The following DHX30 variants were observed in gnomAD, a reference collection of about 807,000 sequenced individuals.
DHX30 encodes the protein ATP-dependent RNA helicase DHX30.
Under a neutral mutation model 116.9 loss-of-function variants are expected in DHX30, and 4 were observed. The ratio of observed to expected loss-of-function variants is 0.03; its 90% CI spans 0.02 to 0.08. The LOEUF (loss-of-function observed/expected upper bound fraction) is 0.08, where lower values mean the gene tolerates loss of function less well. DHX30 is among the 10% of genes least tolerant of loss of function. DHX30 has a pLI of 1.00. For synonymous variants in DHX30, 697 were observed against 651.7 expected (o/e 1.07, Z -1.06); for missense variants, 871 against 1,595.1 (o/e 0.55, Z 7.73).
chr3:47,845,988 T>A (rs1442154672), intron 10 of DHX30, 136 bp downstream of exon 10: 3 of 1,432,406 alleles, frequency 2.1e-6, no homozygotes, highest in Non-Finnish European at 2.8e-6. Context: ...GGGATCCCCC[T>A]GGCCTGAACA....
chr3:47,807,067 G>A (rs1229193701), intron 2 of DHX30, among the ~76,000 whole-genome samples: 1 of 151,984 alleles, frequency 6.6e-6, no homozygotes, highest in African/African-American at 2.4e-5. Context: ...TTAGCCAGGC[G>A]TGGTGGCGGG....
intron 3 of DHX30, among the ~76,000 whole-genome samples, chr3:47,810,916 G>A (rs2035759039): frequency 6.6e-6 from 1 of 151,874 alleles, no homozygotes; most frequent in South Asian, 2.1e-4. Context: ...CTTCCTCCCA[G>A]TGCCCCCTTC....
rs765159677 is a variant in DHX30 at position 47,841,031 on chromosome 3, G to A, written c.521G>A (p.Arg174Gln). The A allele has an allele frequency of 5.6e-6, 9 of 1,614,132 alleles. No individual in the cohort carries two copies. Among genetic ancestry groups the A allele is most frequent in the Non-Finnish European group, 7.6e-6 (9 of 1,180,016 alleles). Residue 174 changes from arginine (R) to glutamine (Q), a missense_variant, in exon 7 of 22, where the codon CGA becomes CAA. Coordinates refer to ENST00000445061, the MANE Select transcript of DHX30 (RefSeq NM_138615.3). Reference sequence around the variant, plus strand: ...CGGCAGCTGAATCCAGAGAGTATTCGACCAGGGGGACCTGGGGGCCTATCC... The same window carrying A: ...CGGCAGCTGAATCCAGAGAGTATTCAACCAGGGGGACCTGGGGGCCTATCC... ...SWRQLNPESI[R>Q]PGGPGGLSRS... is the part of the protein sequence containing the mutation.
Position 47,846,394 on chromosome 3 carries a change from A to G in DHX30, c.1322A>G (p.Asp441Gly), listed in dbSNP as rs780325017. ...CAGCTACCTGTGGACCCACATCGGG[A>G]CACCATCCTCAACGCCATTGAGCAG... ...APQLPVDPHR[D>G]TILNAIEQHP... The change falls in exon 11 of 22, where the codon GAC (aspartate) becomes GGC (glycine). Residue 441 changes from aspartate (D) to glycine (G), a missense_variant. This residue lies in a region of DHX30 where 175 missense variants were observed against 292.9 expected (regional missense o/e 0.60). Transcript: ENST00000445061. 6.2e-7 allele frequency: 1 copy of G among 1,614,084 alleles called. No individual in the cohort carries two copies. The highest frequency in any genetic ancestry group is 1.3e-5 in the African/African-American group (1 of 75,072).
At chr3:47,829,310 A>ATTTT (rs1197680925) in intron 6 of DHX30, among the ~76,000 whole-genome samples, 176 bp downstream of exon 6, 1 of 25,672 alleles carries the variant, frequency 3.9e-5, no homozygotes, top group Non-Finnish European at 1.0e-4. Flanking sequence ...ATATATATAT[A>ATTTT]TATATTTTTT....
intron 5 of DHX30, 48 bp from the exon 6 acceptor site, chr3:47,828,974 ACT>A (rs1310321943): frequency 8.6e-7 from 1 of 1,161,700 alleles, no homozygotes; most frequent in East Asian, 2.4e-5. Flanking sequence ...ATTTGCAACA[ACT>A]CTAGTCTGGA....
chr3:47,813,319 G>A lies in DHX30; in HGVS notation c.28+2608G>A, dbSNP rs1035243134. 9.9e-5 allele frequency among the ~76,000 whole-genome samples: 15 copies of A among 152,258 alleles called. No individual in the cohort carries two copies. In the East Asian group the frequency reaches 2.9e-3, roughly 30 times the overall value. On this transcript the variant is annotated intron_variant, in intron 3 of 21. Transcript: ENST00000445061. ...GATCGCGCCACTGTCTGGCCTGGGC[G>A]AAACAGCGAGACTCCATCTCAAAAA...
rs11349970 is a variant in DHX30, at chr3:47,815,723, C to CAA, written c.29-2272_29-2271dup. Reference sequence around the variant, plus strand: ...GAGCAAGCTGAACAATAAAAAAGAGCAAAAAAAAAAAAAAAAAAAAAAAAA... The same window carrying CAA: ...GAGCAAGCTGAACAATAAAAAAGAGCAAAAAAAAAAAAAAAAAAAAAAAAAAA... On this transcript the variant is annotated intron_variant, in intron 3 of 21. Transcript: ENST00000445061. Among the ~76,000 whole-genome samples the CAA allele has an allele frequency of 2.0e-3, 41 of 20,758 alleles. 5 individuals carry two copies. In the South Asian group the frequency reaches 0.027, roughly 14 times the overall value. The allele number at this position is 20,758 out of a possible 152,430, so 13.6% of individuals were successfully genotyped here.
Position 47,848,093 on chromosome 3 carries a change from T to C in DHX30, c.2287-87T>C, listed in dbSNP as rs2107142512. ...GCTTGTGGGGTCTCAGTGTTCCTGA[T>C]GTAGGGGGCTGGTGAGGGTTACTCA... On this transcript the variant is annotated intron_variant, in intron 14 of 21. Coordinates refer to ENST00000445061, the MANE Select transcript of DHX30 (RefSeq NM_138615.3). The surrounding 1 kb of genome is among the most constrained non-coding windows in gnomAD (Gnocchi z 9.4). 1 of 1,584,920 alleles carries C rather than the reference T, an allele frequency of 6.3e-7. No individual in the cohort carries two copies. The highest frequency in any genetic ancestry group is 8.6e-7 in the Non-Finnish European group (1 of 1,158,196).
At chr3:47,810,820 G>A (rs1237261364) in intron 3 of DHX30, 109 bp downstream of exon 3, 2 of 1,221,202 alleles carry the variant, frequency 1.6e-6, no homozygotes, top group East Asian at 4.7e-5. Flanking sequence ...CATTTCTTTG[G>A]GTGGTTTTCC....
intron 8 of DHX30, 178 bp downstream of exon 8, chr3:47,841,915 G>A: frequency 1.2e-6 from 1 of 824,448 alleles, no homozygotes; most frequent in Non-Finnish European, 1.9e-6. Context: ...TGGAGGTCAA[G>A]CCTCAGCAGC....
chr3:47,846,103 G>T, intron 10 of DHX30, 62 bp from the exon 11 acceptor site: 1 of 1,543,776 alleles, frequency 6.5e-7, no homozygotes, highest in African/African-American at 1.4e-5. Context: ...CTGCAGAGTG[G>T]CTGGTTGTGT....
chr3:47,850,097 G>T lies in DHX30; in HGVS notation c.3562G>T (p.Val1188Leu). 1 of 1,595,738 alleles carries T rather than the reference G, an allele frequency of 6.3e-7. No individual in the cohort carries two copies. ...LLRGPCGSFD[V>L]RKTADD ...GCGAGGACCCTGTGGCAGCTTTGAT[G>T]TGCGCAAGACAGCTGACGACTGAGC... The change falls in exon 22 of 22, where the codon GTG becomes TTG. Residue 1188 changes from valine to leucine, a missense_variant. Physicochemically the swap from Val to Leu is conservative, Grantham distance 32. Coordinates refer to ENST00000445061, the MANE Select transcript of DHX30 (RefSeq NM_138615.3).
At chr3:47,831,488 A>G (rs1260635868) in intron 6 of DHX30, among the ~76,000 whole-genome samples, 1 of 151,664 alleles carries the variant, frequency 6.6e-6, no homozygotes, top group East Asian at 1.9e-4. Context: ...TCTCTTCTGC[A>G]TCTCCTCTCT....
chr3:47,805,293 T>TC (rs914051905), intron 1 of DHX30, 33 bp from the exon 2 acceptor site: 1 of 398,920 alleles, frequency 2.5e-6, no homozygotes, highest in African/African-American at 2.1e-5. Context: ...CTATGGGGCC[T>TC]CCACTGTATT....
At chr3:47,843,376 A>C (rs2037463310) in intron 9 of DHX30, 121 bp downstream of exon 9, 27 of 1,358,356 alleles carry the variant, frequency 2.0e-5, no homozygotes, top group Non-Finnish European at 2.5e-5. Context: ...TTTGCCTGGC[A>C]CAAAGACAGC....
intron 4 of DHX30, chr3:47,825,062 T>G (rs950337591): frequency 9.0e-6 from 6 of 665,034 alleles, no homozygotes; most frequent in Non-Finnish European, 1.6e-5. Flanking sequence ...AGGAGACTCA[T>G]GGCGCTGGCC....
At position 47,846,182 on chromosome 3, in the gene DHX30, A is replaced by T; in HGVS notation, c.1110A>T (p.Ser370=). The part of the protein sequence containing the change: ...TFLNHYPVES[S]WIAPELRLQS... ...CCCTCCAGTACCCTGTGGAGAGTTC[A>T]TGGATCGCCCCAGAACTCCGGCTGC... Residue 370 remains serine (S), a synonymous_variant, in exon 11 of 22, where the codon TCA becomes TCT. Coordinates refer to ENST00000445061, the MANE Select transcript of DHX30 (RefSeq NM_138615.3). The T allele has an allele frequency of 6.2e-7, 1 of 1,613,324 alleles. No individual in the cohort carries two copies. The highest frequency in any genetic ancestry group is 8.5e-7 in the Non-Finnish European group (1 of 1,179,896).
chr3:47,816,928 A>T, intron 3 of DHX30: 2 of 963,766 alleles, frequency 2.1e-6, no homozygotes, highest in Non-Finnish European at 2.5e-6. Flanking sequence ...AAAAAAAAAA[A>T]TAGCTGAAAG....
Sources: gnomAD v4.1 joint callset for allele counts (sites outside exome capture counted in the v4.1 genomes callset) on GRCh38, gnomAD v4.1.1 for gene constraint, gnomAD v4.1.1 regional missense constraint, Gnocchi (gnomAD v3.1) non-coding constraint, MANE v1.5 for transcripts, NCBI Gene and HGNC (gene_info 2026-07-23, HGNC 2026-07-21) for gene names.